The following LRRFIP2 variants were observed in gnomAD, a reference collection of about 807,000 sequenced individuals.
The protein encoded by LRRFIP2 is leucine-rich repeat flightless-interacting protein 2.
In LRRFIP2, 109 loss-of-function variants were observed where a neutral mutation model predicts 125.9. The ratio of observed to expected loss-of-function variants is 0.87; its 90% confidence interval spans 0.74 to 1.01. LRRFIP2 has a LOEUF of 1.01. LRRFIP2 is among the 50% of genes least tolerant of loss of function. LRRFIP2 has a pLI of 0.00. For synonymous variants in LRRFIP2, 291 were observed against 293.1 expected (o/e 0.99, Z 0.07); for missense variants, 850 against 862.3 (o/e 0.99, Z 0.18).
intron 19 of LRRFIP2, 128 bp from the exon 20 acceptor site, chr3:37,075,244 T>A: frequency 1.9e-6 from 1 of 524,290 alleles, no homozygotes; most frequent in Non-Finnish European, 3.3e-6. Flanking sequence ...CATAGTAACT[T>A]AGAAAAATTG....
chr3:37,066,366 A>G, intron 21 of LRRFIP2, 41 bp from the exon 22 acceptor site: 1 of 1,485,936 alleles, frequency 6.7e-7, no homozygotes, highest in Non-Finnish European at 9.4e-7. Context: ...ATGGCACAGA[A>G]AAAGAGCAGG....
intron 4 of LRRFIP2, among the ~76,000 whole-genome samples, chr3:37,125,616 C>T (rs1010549719): frequency 3.9e-5 from 6 of 152,186 alleles, no homozygotes; most frequent in African/African-American, 1.4e-4. Context: ...AGCCCTAGCA[C>T]AGTGCTGATA....
intron 2 of LRRFIP2, among the ~76,000 whole-genome samples, chr3:37,147,508 T>G (rs552659067): frequency 6.6e-6 from 1 of 152,318 alleles, no homozygotes; most frequent in South Asian, 2.1e-4. Flanking sequence ...TCTTATCAGG[T>G]TTTAGGTAAT....
rs879377021 is a variant in LRRFIP2 at position 37,060,603 on chromosome 3, CT to C, written c.1750-1694del. Among the ~76,000 whole-genome samples, 112 of 144,692 alleles carry C rather than the reference CT, an allele frequency of 7.7e-4. No homozygotes were observed. The highest frequency in any genetic ancestry group is 3.6e-3 in the Middle Eastern group (1 of 280). The allele number at this position is 144,692 out of a possible 152,430, so 94.9% of individuals were successfully genotyped here. The stretch of plus-strand genomic sequence containing the variant: ...CAGACATGAGCCACCATGCCCGGCC[CT>C]TTTTTTTTTTGTACTTCCACAGCTT... On this transcript the variant is annotated intron_variant, in intron 24 of 27. Transcript: ENST00000336686. This position sits in a 1 kb window ranked among gnomAD's most constrained non-coding sequence, Gnocchi z 4.1.
upstream of LRRFIP2, chr3:37,174,776 C>G (rs1578207006): frequency 6.6e-6 from 1 of 152,274 alleles, no homozygotes; most frequent in East Asian, 1.9e-4. Flanking sequence ...ACAACACTTC[C>G]TATAAAATGA....
rs1319950447 is a variant in LRRFIP2, at chr3:37,060,642, T to A, written c.1750-1732A>T. On this transcript the variant is annotated intron_variant, in intron 24 of 27. Transcript: ENST00000336686. The surrounding 1 kb of genome is among the most constrained non-coding windows in gnomAD (Gnocchi z 4.1). The stretch of plus-strand genomic sequence containing the variant: ...ACTTCCACAGCTTCCTACCACTGAA[T>A]CTAGAAATGGAATAGGTGTCCTCTT... 1.3e-5 allele frequency among the ~76,000 whole-genome samples: 2 copies of A among 151,640 alleles called. No individual in the cohort carries two copies. The highest frequency in any genetic ancestry group is 4.8e-5 in the African/African-American group (2 of 41,270).
intron 24 of LRRFIP2, among the ~76,000 whole-genome samples, chr3:37,061,371 C>T (rs897021637): frequency 6.6e-6 from 1 of 150,896 alleles, no homozygotes; most frequent in Non-Finnish European, 1.5e-5. Context: ...AACCATGAGC[C>T]AGTTTAAACC....
intron 26 of LRRFIP2, 47 bp downstream of exon 26, chr3:37,055,039 T>C (rs778299711): frequency 3.1e-6 from 4 of 1,276,252 alleles, no homozygotes; most frequent in Non-Finnish European, 3.4e-6. Context: ...GCCACTTAGA[T>C]GCAGGAAGGA....
chr3:37,138,764 T>G (rs2095620565), intron 2 of LRRFIP2, among the ~76,000 whole-genome samples: 1 of 152,242 alleles, frequency 6.6e-6, no homozygotes, highest in African/African-American at 2.4e-5. Context: ...ACACAGATTT[T>G]TCTTTTCTTT....
intron 19 of LRRFIP2, among the ~76,000 whole-genome samples, chr3:37,075,752 A>T (rs184958851): frequency 1.3e-5 from 2 of 152,286 alleles, no homozygotes; most frequent in African/African-American, 4.8e-5. Context: ...CCAGAAAAAT[A>T]CATACTGAAA....
intron 18 of LRRFIP2, among the ~76,000 whole-genome samples, chr3:37,084,423 G>A (rs1473719094): frequency 6.6e-6 from 1 of 152,078 alleles, no homozygotes; most frequent in Non-Finnish European, 1.5e-5. Context: ...AGCACTTTGG[G>A]AGGCCAAGGG....
intron 1 of LRRFIP2, among the ~76,000 whole-genome samples, chr3:37,162,482 AT>A (rs2096374777): frequency 6.6e-6 from 1 of 152,124 alleles, no homozygotes; most frequent in South Asian, 2.1e-4. Context: ...ATTATAGACA[AT>A]CTATAAGTAG....
intron 6 of LRRFIP2, among the ~76,000 whole-genome samples, chr3:37,119,738 G>T (rs2094942463): frequency 6.6e-6 from 1 of 152,060 alleles, no homozygotes; most frequent in South Asian, 2.1e-4. Flanking sequence ...TCAGCTCACT[G>T]CAACCTCCGC....
At chr3:37,064,146 C>T (rs1310135898) in intron 23 of LRRFIP2, 1 of 222,034 alleles carries the variant, frequency 4.5e-6, no homozygotes, top group Non-Finnish European at 8.9e-6. Flanking sequence ...AAGGCTGAGC[C>T]CTTAGCGGGA....
chr3:37,092,346 G>C (rs775683014), intron 17 of LRRFIP2, among the ~76,000 whole-genome samples: 1 of 152,192 alleles, frequency 6.6e-6, no homozygotes, highest in Non-Finnish European at 1.5e-5. Context: ...ATTAAAGGCT[G>C]ATTATACACA....
intron 24 of LRRFIP2, 86 bp downstream of exon 24, chr3:37,063,655 AT>A (rs559610443): frequency 1.6e-4 from 159 of 977,228 alleles, no homozygotes; most frequent in African/African-American, 1.4e-3. Flanking sequence ...AAAGAAGCAT[AT>A]TTTTTTAATG....
At chr3:37,084,174 G>T (rs35821140) in intron 18 of LRRFIP2, among the ~76,000 whole-genome samples, 1 of 152,092 alleles carries the variant, frequency 6.6e-6, no homozygotes, top group Non-Finnish European at 1.5e-5. Context: ...TGTTCAGAAC[G>T]CAGTGATACC....
Position 37,053,732 on chromosome 3 carries a change from G to A in LRRFIP2, c.*119C>T. The A allele has an allele frequency of 1.5e-6, 1 of 649,314 alleles. No individual in the cohort carries two copies. The highest frequency in any genetic ancestry group is 1.8e-5 in the South Asian group (1 of 54,130). The allele number at this position is 649,314 out of a possible 1,614,324, so 40.2% of individuals were successfully genotyped here. A position where few individuals can be genotyped will look rare whatever the true frequency, so the allele number is the denominator to read the frequency against. On this transcript the variant is annotated 3_prime_UTR_variant, in exon 28 of 28. Coordinates refer to ENST00000336686, the MANE Select transcript of LRRFIP2 (RefSeq NM_006309.4). ...CTGTCATAAATTATAAAATACAAAG[G>A]TGGCTGTTTTAATGACAAAACTCAA... is the stretch of plus-strand genomic sequence containing the variant.
At chr3:37,158,276 C>T (rs1238592413) in intron 1 of LRRFIP2, among the ~76,000 whole-genome samples, 1 of 152,062 alleles carries the variant, frequency 6.6e-6, no homozygotes, top group East Asian at 1.9e-4. Flanking sequence ...AAAGGGAGAC[C>T]AACAATTACA....
Sources: gnomAD v4.1 joint callset for allele counts (sites outside exome capture counted in the v4.1 genomes callset) on GRCh38, gnomAD v4.1.1 for gene constraint, Gnocchi (gnomAD v3.1) non-coding constraint, MANE v1.5 for transcripts, NCBI Gene and HGNC (gene_info 2026-07-23, HGNC 2026-07-21) for gene names.